The following SNTB1 variants were observed in gnomAD, a reference collection of about 807,000 sequenced individuals.
SNTB1 encodes beta-1-syntrophin.
Under a neutral mutation model 48.9 loss-of-function variants are expected in SNTB1, and 36 were observed. The observed-to-expected ratio is 0.74, with a 90% CI of 0.56 to 0.97. The LOEUF (loss-of-function observed/expected upper bound fraction) is 0.97. Ranked by LOEUF, SNTB1 falls within the 50% of genes least tolerant of loss-of-function variation. SNTB1 has a pLI of 0.00. For synonymous variants in SNTB1, 299 were observed against 294.6 expected, an observed-to-expected ratio of 1.01 and a Z score of -0.15; for missense variants, 786 against 703.4, an observed-to-expected ratio of 1.12 and a Z score of -1.33.
At position 120,538,612 on chromosome 8, in the gene SNTB1, T is replaced by C. The variant is rs1489656757; in HGVS notation, c.*265A>G. On this transcript the variant is annotated 3_prime_UTR_variant, in exon 7 of 7. Coordinates refer to ENST00000517992, the MANE Select transcript of SNTB1 (RefSeq NM_021021.4). The stretch of plus-strand genomic sequence containing the variant: ...TTGTCATTATTTCAAAGCTATGCTG[T>C]GTATTTCCCGTCACCTCACCTCTTT... 1.9e-6 allele frequency: 1 copy of C among 538,292 alleles called. No homozygotes were observed. Among genetic ancestry groups the C allele is most frequent in the African/African-American group, 1.9e-5 (1 of 53,048 alleles). The allele number at this position is 538,292 out of a possible 1,614,324, so 33.3% of individuals were successfully genotyped here. A position where few individuals can be genotyped will look rare whatever the true frequency, so the allele number is the denominator to read the frequency against.
Position 120,706,195 on chromosome 8 carries a change from T to C in SNTB1, c.572-12287A>G, listed in dbSNP as rs549682020. Among the ~76,000 whole-genome samples, 10 of 152,316 alleles carry C rather than the reference T, an allele frequency of 6.6e-5. No homozygotes were observed. The South Asian group carries it at 1.4e-3, about 22-fold the overall frequency. The stretch of plus-strand genomic sequence containing the variant: ...ATGAAATTTCAGTGAGAAAATGCAT[T>C]GCAAGGATGTCTCTTTTCGGACTCT... On this transcript the variant is annotated intron_variant, in intron 1 of 6. Coordinates refer to ENST00000517992, the MANE Select transcript of SNTB1 (RefSeq NM_021021.4).
intron 2 of SNTB1, among the ~76,000 whole-genome samples, chr8:120,667,830 T>A (rs751390292): frequency 3.9e-5 from 6 of 152,136 alleles, no homozygotes; most frequent in Non-Finnish European, 7.4e-5. Context: ...AGGACTGGAG[T>A]GGTATTCCAT....
At position 120,746,570 on chromosome 8, in the gene SNTB1, T is replaced by C. The variant is rs140094637; in HGVS notation, c.572-52662A>G. Reference sequence around the variant, plus strand: ...CTAAAATATTTACTCTTTGGCTCTTTACAGAAAAAATTTACCTACCCCAGC... The same window carrying C: ...CTAAAATATTTACTCTTTGGCTCTTCACAGAAAAAATTTACCTACCCCAGC... On this transcript the variant is annotated intron_variant, in intron 1 of 6. Transcript: ENST00000517992. Among the ~76,000 whole-genome samples the C allele has an allele frequency of 3.2e-4, 49 of 152,304 alleles. 1 individual carries two copies. Among genetic ancestry groups the C allele is most frequent in the African/African-American group, 1.1e-3 (47 of 41,564 alleles).
chr8:120,607,462 T>C (rs1045791963), intron 3 of SNTB1, among the ~76,000 whole-genome samples: 1 of 152,214 alleles, frequency 6.6e-6, no homozygotes, highest in African/African-American at 2.4e-5. Flanking sequence ...ACGTGCAGGT[T>C]AGTTACATAT....
chr8:120,771,675 C>T (rs1335521399), intron 1 of SNTB1, among the ~76,000 whole-genome samples: 1 of 151,274 alleles, frequency 6.6e-6, no homozygotes, highest in Non-Finnish European at 1.5e-5. Context: ...CAAAACGAAA[C>T]CATGCCTCTT....
chr8:120,743,987 G>A (rs113394714), intron 1 of SNTB1, among the ~76,000 whole-genome samples: 27 of 152,170 alleles, frequency 1.8e-4, no homozygotes, highest in African/African-American at 6.5e-4. Flanking sequence ...TTAGTTAGCC[G>A]GCCATGGTGG....
intron 1 of SNTB1, among the ~76,000 whole-genome samples, chr8:120,794,122 T>C (rs1000928808): frequency 1.3e-5 from 2 of 152,018 alleles, no homozygotes; most frequent in Non-Finnish European, 2.9e-5. Context: ...GCAGAGATGG[T>C]GAATTCAGTA....
intron 2 of SNTB1, among the ~76,000 whole-genome samples, chr8:120,650,075 C>T (rs536473218): frequency 3.1e-4 from 47 of 152,330 alleles, no homozygotes; most frequent in South Asian, 2.5e-3. Flanking sequence ...TCTGGCACTC[C>T]CTAGTGAGAT....
chr8:120,806,178 G>A (rs777872250), intron 1 of SNTB1, among the ~76,000 whole-genome samples: 1 of 152,198 alleles, frequency 6.6e-6, no homozygotes, highest in African/African-American at 2.4e-5. Context: ...CTCCAGAATG[G>A]CAGTTCAGAA....
intron 1 of SNTB1, chr8:120,776,909 C>T (rs1819744836): frequency 6.6e-6 from 1 of 152,138 alleles, no homozygotes; most frequent in African/African-American, 2.4e-5. Context: ...GATTAAAGTT[C>T]CCCTCTATGG....
intron 3 of SNTB1, among the ~76,000 whole-genome samples, chr8:120,608,999 G>T (rs1296391223): frequency 6.6e-6 from 1 of 152,170 alleles, no homozygotes; most frequent in South Asian, 2.1e-4. Flanking sequence ...TAAGATAGGA[G>T]TGCAGTAAAA....
chr8:120,579,177 A>AAAACAAACAAAC (rs61054676), intron 3 of SNTB1, among the ~76,000 whole-genome samples: 2 of 115,488 alleles, frequency 1.7e-5, no homozygotes, highest in Non-Finnish European at 4.0e-5. Flanking sequence ...ACTCTGTCTC[A>AAAACAAACAAAC]AAACAAACAA....
chr8:120,737,982 T>C (rs73323114), intron 1 of SNTB1, among the ~76,000 whole-genome samples: 4,544 of 152,256 alleles, frequency 0.03, 214 homozygotes, highest in African/African-American at 0.1. Context: ...ATGGTCTGAA[T>C]GTTTGTATCC....
At position 120,811,808 on chromosome 8, in the gene SNTB1, C is replaced by A. The variant is rs752627956; in HGVS notation, c.36G>T (p.Pro12=). 3 of 1,370,782 alleles carry A rather than the reference C, an allele frequency of 2.2e-6. No individual in the cohort carries two copies. Among genetic ancestry groups the A allele is most frequent in the Non-Finnish European group, 2.8e-6 (3 of 1,065,848 alleles). 84.9% of individuals were successfully genotyped at this position (1,370,782 alleles called of 1,614,324 possible). The change falls in exon 1 of 7, where the codon CCG becomes CCT. Residue 12 remains proline (P), a synonymous_variant. Transcript: ENST00000517992. ...AVAAAAAAAG[P]AGAGGGRAQR... is the part of the protein sequence containing the mutation. ...GCGCCCGGCCGCCTCCCGCGCCAGCCGGCCCAGCCGCCGCCGCCGCCGCCG... is the reference window on the plus strand; with the variant it reads ...GCGCCCGGCCGCCTCCCGCGCCAGCAGGCCCAGCCGCCGCCGCCGCCGCCG...
At chr8:120,718,438 C>T (rs1390619697) in intron 1 of SNTB1, among the ~76,000 whole-genome samples, 1 of 152,272 alleles carries the variant, frequency 6.6e-6, no homozygotes, top group Non-Finnish European at 1.5e-5. Flanking sequence ...AGGGCCACTT[C>T]TCCCCCTGGT....
At chr8:120,546,612 G>A (rs1343520991) in intron 5 of SNTB1, among the ~76,000 whole-genome samples, 1 of 152,096 alleles carries the variant, frequency 6.6e-6, no homozygotes, top group Non-Finnish European at 1.5e-5. Flanking sequence ...TGGGATTACA[G>A]GCACATGCCA....
intron 2 of SNTB1, among the ~76,000 whole-genome samples, chr8:120,666,447 C>T (rs1817674075): frequency 6.6e-6 from 1 of 152,002 alleles, no homozygotes; most frequent in African/African-American, 2.4e-5. Context: ...TCAGCTGCCA[C>T]CTCTTTGTTC....
intron 3 of SNTB1, among the ~76,000 whole-genome samples, chr8:120,625,865 C>G (rs1206762359): frequency 6.6e-6 from 1 of 152,168 alleles, no homozygotes; most frequent in Non-Finnish European, 1.5e-5. Flanking sequence ...TGGGAGTTCC[C>G]TCAGGTCAGA....
rs527402131 is a variant in SNTB1 at position 120,719,276 on chromosome 8, G to A, written c.572-25368C>T. On this transcript the variant is annotated intron_variant, in intron 1 of 6. Transcript: ENST00000517992. ...GAATATAAAGCAGCCAGAGAAACAT[G>A]AAAAGGTCAGACTGGCTTAGCCTCC... Among the ~76,000 whole-genome samples the A allele has an allele frequency of 3.9e-5, 6 of 152,240 alleles. No individual in the cohort carries two copies. The South Asian group carries it at 6.2e-4, about 16-fold the overall frequency.
Sources: allele counts gnomAD v4.1 joint callset (sites outside exome capture counted in the v4.1 genomes callset), GRCh38; gene constraint gnomAD v4.1.1; transcripts MANE v1.5; gene names NCBI Gene and HGNC (gene_info 2026-07-23, HGNC 2026-07-21).